PTPN21: variants seen among roughly 807,000 people sequenced by gnomAD.
PTPN21 encodes tyrosine-protein phosphatase non-receptor type 21.
Under a neutral mutation model 131.8 loss-of-function variants are expected in PTPN21, and 77 were observed. The observed-to-expected ratio is 0.58, with a 90% CI of 0.49 to 0.71. The LOEUF (loss-of-function observed/expected upper bound fraction) is 0.71, where lower values mean the gene tolerates loss of function less well. PTPN21 is among the 30% of genes least tolerant of loss of function. PTPN21 has a pLI of 0.00. For synonymous variants in PTPN21, 715 were observed against 621.3 expected (o/e 1.15, Z -2.24); for missense variants, 1,552 against 1,527.1 (o/e 1.02, Z -0.27).
chr14:88,519,740 C>T (rs1050997495), intron 2 of PTPN21, among the ~76,000 whole-genome samples: 13 of 152,092 alleles, frequency 8.5e-5, no homozygotes, highest in African/African-American at 3.1e-4. Context: ...CCCTAGAATA[C>T]TGCTGGAATT....
At chr14:88,478,289 C>T (rs1279753668) in intron 13 of PTPN21, among the ~76,000 whole-genome samples, 1 of 152,160 alleles carries the variant, frequency 6.6e-6, no homozygotes, top group Non-Finnish European at 1.5e-5. Flanking sequence ...GCATCTTCTA[C>T]CGGGGACTTT....
At chr14:88,527,297 A>T (rs978301497) in intron 2 of PTPN21, among the ~76,000 whole-genome samples, 4 of 152,206 alleles carry the variant, frequency 2.6e-5, no homozygotes, top group African/African-American at 9.6e-5. Context: ...TTCCCTTCTC[A>T]CCACATTTAC....
chr14:88,546,719 G>A (rs1394238056), intron 2 of PTPN21, among the ~76,000 whole-genome samples: 1 of 152,170 alleles, frequency 6.6e-6, no homozygotes, highest in Non-Finnish European at 1.5e-5. Flanking sequence ...TTTGCTTGGT[G>A]GGAGAACAGT....
At chr14:88,526,823 GAAAC>G (rs2078486135) in intron 2 of PTPN21, among the ~76,000 whole-genome samples, 1 of 151,900 alleles carries the variant, frequency 6.6e-6, no homozygotes, top group South Asian at 2.1e-4. Context: ...CCTTCCCCTG[GAAAC>G]CCCAAAGTCC....
At chr14:88,484,358 G>A (rs907805015) in intron 12 of PTPN21, among the ~76,000 whole-genome samples, 1 of 152,030 alleles carries the variant, frequency 6.6e-6, no homozygotes, top group Non-Finnish European at 1.5e-5. Flanking sequence ...TAGAGTAAAT[G>A]TTAATTGACT....
chr14:88,505,978 A>G (rs932650479), intron 4 of PTPN21, among the ~76,000 whole-genome samples: 12 of 152,180 alleles, frequency 7.9e-5, no homozygotes, highest in African/African-American at 2.7e-4. Flanking sequence ...AGTTTTATTA[A>G]TAATTATTCT....
intron 2 of PTPN21, among the ~76,000 whole-genome samples, chr14:88,526,669 T>G (rs191011621): frequency 9.3e-4 from 142 of 152,060 alleles, no homozygotes; most frequent in Middle Eastern, 3.4e-3. Flanking sequence ...TTATTTTTAT[T>G]ACAATAATTT....
intron 10 of PTPN21, among the ~76,000 whole-genome samples, chr14:88,492,047 A>C (rs61389136): frequency 0.037 from 5,611 of 151,932 alleles, 351 homozygotes; most frequent in African/African-American, 0.13. Context: ...AACACAAAAC[A>C]AAACAAACAA....
Position 88,479,213 on chromosome 14 carries a change from C to A in PTPN21, c.2218G>T (p.Ala740Ser), listed in dbSNP as rs941121492. Residue 740 changes from alanine to serine, a missense_variant, in exon 13 of 19, where the codon GCC (alanine) becomes TCC (serine). Physicochemically the swap from Ala to Ser is moderately conservative, Grantham distance 99 (BLOSUM62 1). Coordinates refer to ENST00000556564, the MANE Select transcript of PTPN21 (RefSeq NM_007039.4). Reference protein sequence around the residue: ...ARAREPRPGLAQDPPGCPRVL... With the variant: ...ARAREPRPGLSQDPPGCPRVL... ...CGAGGGCAGCCAGGTGGGTCCTGGG[C>A]CAGGCCGGGCCGAGGCTCGCGCGCA... 6.3e-7 allele frequency: 1 copy of A among 1,595,326 alleles called. No individual in the cohort carries two copies. The highest frequency in any genetic ancestry group is 8.5e-7 in the Non-Finnish European group (1 of 1,171,322).
At chr14:88,548,367 G>A (rs1046192926) in intron 2 of PTPN21, among the ~76,000 whole-genome samples, 2 of 152,176 alleles carry the variant, frequency 1.3e-5, no homozygotes, top group African/African-American at 4.8e-5. Context: ...GCTTCAGGCA[G>A]ACCAGCTTCC....
At chr14:88,480,434 G>A in intron 12 of PTPN21, 82 bp from the exon 13 acceptor site, 2 of 1,102,876 alleles carry the variant, frequency 1.8e-6, no homozygotes, top group Non-Finnish European at 2.6e-6. Context: ...CCTTACCTCT[G>A]ATGACATTTT....
intron 13 of PTPN21, among the ~76,000 whole-genome samples, chr14:88,475,475 A>G (rs1022694184): frequency 3.9e-5 from 6 of 152,158 alleles, no homozygotes; most frequent in Non-Finnish European, 7.3e-5. Flanking sequence ...TAACTGACCA[A>G]CTTCTTTCAG....
chr14:88,494,944 C>T (rs1183926822), intron 10 of PTPN21, among the ~76,000 whole-genome samples: 4 of 122,830 alleles, frequency 3.3e-5, no homozygotes, highest in Admixed American at 1.2e-4. Flanking sequence ...ACCCGGGAGG[C>T]GGAGGTTGCA....
At chr14:88,518,384 G>GTATATA (rs1383018796) in intron 2 of PTPN21, among the ~76,000 whole-genome samples, 34 of 13,320 alleles carry the variant, frequency 2.6e-3, no homozygotes, top group East Asian at 0.014. Flanking sequence ...ATGTGTGTGT[G>GTATATA]TGTATATATA....
intron 10 of PTPN21, among the ~76,000 whole-genome samples, chr14:88,491,483 C>T (rs1324334212): frequency 1.3e-5 from 2 of 152,176 alleles, no homozygotes; most frequent in Non-Finnish European, 2.9e-5. Context: ...ATGCCTATCA[C>T]GCTTTAGTTT....
At position 88,528,877 on chromosome 14, in the gene PTPN21, T is replaced by C. The variant is rs758454542; in HGVS notation, c.181-11616A>G. On this transcript the variant is annotated intron_variant, in intron 2 of 18. Coordinates refer to ENST00000556564, the MANE Select transcript of PTPN21 (RefSeq NM_007039.4). ...ATTCATTTATCGATCTAGGAGCTTT[T>C]TGGATGAGTCTTAGGGGTTTTCTAG... 1.3e-4 allele frequency among the ~76,000 whole-genome samples: 20 copies of C among 152,200 alleles called. 1 individual carries two copies. Among genetic ancestry groups the C allele is most frequent in the South Asian group, 6.2e-4 (3 of 4,828 alleles).
chr14:88,518,380 GTGTGTGTATA>G (rs1202214159), intron 2 of PTPN21, among the ~76,000 whole-genome samples: 45 of 14,502 alleles, frequency 3.1e-3, no homozygotes, highest in African/African-American at 1.0e-2. Flanking sequence ...GTGTATGTGT[GTGTGTGTATA>G]TATATATATA....
At chr14:88,501,798 G>C (rs2078012183) in intron 6 of PTPN21, among the ~76,000 whole-genome samples, 1 of 150,982 alleles carries the variant, frequency 6.6e-6, no homozygotes. Context: ...GGGCAACATA[G>C]TGAGACCCTG....
chr14:88,470,770 G>A (rs1413568244), intron 15 of PTPN21, among the ~76,000 whole-genome samples: 1 of 152,230 alleles, frequency 6.6e-6, no homozygotes, highest in African/African-American at 2.4e-5. Context: ...CACTGTGGAT[G>A]AGTACCAGGT....
Sources: gnomAD v4.1 joint callset for allele counts (sites outside exome capture counted in the v4.1 genomes callset) on GRCh38, gnomAD v4.1.1 for gene constraint, MANE v1.5 for transcripts, NCBI Gene and HGNC (gene_info 2026-07-23, HGNC 2026-07-21) for gene names.